DPYSL3: variants seen among roughly 807,000 people sequenced by gnomAD.
DPYSL3 encodes the protein dihydropyrimidinase-related protein 3.
A neutral mutation model predicts 66.1 loss-of-function variants in DPYSL3; 16 were observed. That is an observed-to-expected ratio of 0.24 (90% CI 0.16 to 0.37). DPYSL3 has a LOEUF of 0.37. DPYSL3 is among the 10% of genes least tolerant of loss of function. DPYSL3 has a pLI of 1.00. For synonymous variants in DPYSL3, 338 were observed against 345.1 expected (o/e 0.98, Z 0.23); for missense variants, 738 against 916.2 (o/e 0.81, Z 2.51).
intron 3 of DPYSL3, 107 bp from the exon 4 acceptor site, chr5:147,415,980 C>G (rs920991004): frequency 7.8e-7 from 1 of 1,284,872 alleles, no homozygotes; most frequent in Non-Finnish European, 1.1e-6. Flanking sequence ...TCTCTATTTC[C>G]TGAGCATGGA....
intron 2 of DPYSL3, among the ~76,000 whole-genome samples, chr5:147,421,736 C>G (rs924806324): frequency 3.3e-5 from 5 of 152,140 alleles, no homozygotes; most frequent in Admixed American, 3.3e-4. Flanking sequence ...CCTTGACAAA[C>G]CCGACAAAAG....
chr5:147,417,298 T>G (rs1751989486), intron 3 of DPYSL3, among the ~76,000 whole-genome samples: 1 of 152,124 alleles, frequency 6.6e-6, no homozygotes, highest in African/African-American at 2.4e-5. Flanking sequence ...TGAGTGCACT[T>G]ATCGGAAAGC....
intron 1 of DPYSL3, among the ~76,000 whole-genome samples, chr5:147,427,814 T>C (rs542523648): frequency 1.3e-5 from 2 of 152,286 alleles, no homozygotes; most frequent in African/African-American, 2.4e-5. Context: ...ATAACAATCT[T>C]GGTAACTGTA....
chr5:147,437,445 T>C (rs539418108), intron 1 of DPYSL3, among the ~76,000 whole-genome samples: 3 of 152,312 alleles, frequency 2.0e-5, no homozygotes, highest in Non-Finnish European at 4.4e-5. Context: ...ATTGTATTTT[T>C]AAAGCTTGTG....
At chr5:147,478,733 T>C (rs1410533465) in intron 1 of DPYSL3, among the ~76,000 whole-genome samples, 2 of 152,186 alleles carry the variant, frequency 1.3e-5, no homozygotes, top group Non-Finnish European at 2.9e-5. Context: ...CAAATGTACA[T>C]TGAGGCTGTG....
In DPYSL3 at chr5:147,413,657, C is replaced by G. The variant is rs1204309430; in HGVS notation, c.821G>C (p.Gly274Ala). 1 of 1,611,212 alleles carries G rather than the reference C, an allele frequency of 6.2e-7. No individual in the cohort carries two copies. Among genetic ancestry groups the G allele is most frequent in the Non-Finnish European group, 8.5e-7 (1 of 1,178,098 alleles). The change falls in exon 5 of 14, where the codon GGG (glycine) becomes GCG (alanine). Residue 274 changes from glycine to alanine, a missense_variant and splice_region_variant. By Grantham distance (60) the Gly-to-Ala change is moderately conservative (BLOSUM62 0). Coordinates refer to ENST00000343218, the MANE Select transcript of DPYSL3 (RefSeq NM_001197294.2). ...CATATAAACCATGAAGGAGTTAACC[C>G]CTGCAAAAGAGGGACAGGAGGAAAA... The part of the protein sequence containing the change: ...QEVQNLIKDK[G>A]VNSFMVYMAY...
intron 1 of DPYSL3, 91 bp from the exon 2 acceptor site, chr5:147,425,054 T>A: frequency 1.1e-6 from 1 of 941,864 alleles, no homozygotes; most frequent in Non-Finnish European, 1.7e-6. Flanking sequence ...TTGTTCTAGA[T>A]GTCTAGTAGA....
At position 147,403,236 on chromosome 5, in the gene DPYSL3, A is replaced by G. The variant is rs545150764; in HGVS notation, c.1154-1540T>C. Among the ~76,000 whole-genome samples the G allele has an allele frequency of 5.3e-5, 8 of 152,344 alleles. No individual in the cohort carries two copies. In the East Asian group the frequency reaches 1.4e-3, roughly 26 times the overall value. ...GGGGGTGAGAGTAAAAAAAAATCCA[A>G]GTGATGAGAATTCAAGGGCTCTCCA... On this transcript the variant is annotated intron_variant, in intron 8 of 13. Coordinates refer to ENST00000343218, the MANE Select transcript of DPYSL3 (RefSeq NM_001197294.2).
At chr5:147,452,438 T>TACAC (rs35272843) in intron 1 of DPYSL3, among the ~76,000 whole-genome samples, 1,758 of 142,122 alleles carry the variant, frequency 0.012, 15 homozygotes, top group South Asian at 0.024. Flanking sequence ...ATTCCCCCAC[T>TACAC]ACACACACAC....
rs145807212 is a variant in DPYSL3, at chr5:147,463,090, A to G, written c.382-38127T>C. On this transcript the variant is annotated intron_variant, in intron 1 of 13. Coordinates refer to ENST00000343218, the MANE Select transcript of DPYSL3 (RefSeq NM_001197294.2). ...TTGGCCATGAGAAATGCTGAAGGGC[A>G]TAAGTAGGCTACCTGAGCAGGTGGT... is the stretch of plus-strand genomic sequence containing the variant. Among the ~76,000 whole-genome samples the G allele has an allele frequency of 3.9e-3, 600 of 152,304 alleles. 10 individuals are homozygous for G. The highest frequency in any genetic ancestry group is 0.014 in the African/African-American group (578 of 41,528).
chr5:147,401,401 G>T, intron 9 of DPYSL3, 139 bp downstream of exon 9: 1 of 998,544 alleles, frequency 1.0e-6, no homozygotes, highest in Non-Finnish European at 1.4e-6. Context: ...GCTCAAGACT[G>T]TAAAAGAATT....
intron 1 of DPYSL3, among the ~76,000 whole-genome samples, chr5:147,495,682 A>G (rs202094527): frequency 0.037 from 5,649 of 152,270 alleles, 269 homozygotes; most frequent in East Asian, 0.16. Context: ...CTAGGAATCC[A>G]ACTTACAAGG....
intron 1 of DPYSL3, among the ~76,000 whole-genome samples, chr5:147,499,439 A>G (rs1189775384): frequency 3.9e-5 from 6 of 152,178 alleles, no homozygotes; most frequent in Non-Finnish European, 5.9e-5. Flanking sequence ...AAATCTAGAA[A>G]ACCCTGTGCA....
chr5:147,465,844 T>C (rs991213057), intron 1 of DPYSL3, among the ~76,000 whole-genome samples: 4 of 152,184 alleles, frequency 2.6e-5, no homozygotes, highest in Non-Finnish European at 4.4e-5. Flanking sequence ...ACAACACGGC[T>C]TAACTTGTCC....
chr5:147,446,827 GT>G (rs1417020725), intron 1 of DPYSL3, among the ~76,000 whole-genome samples: 8 of 152,262 alleles, frequency 5.3e-5, no homozygotes, highest in African/African-American at 1.9e-4. Flanking sequence ...CAATAGTGAT[GT>G]GACAGGGTTG....
chr5:147,448,243 TA>T (rs1416585496), intron 1 of DPYSL3, among the ~76,000 whole-genome samples: 1 of 151,910 alleles, frequency 6.6e-6, no homozygotes, highest in African/African-American at 2.4e-5. Context: ...TGATCAGGAC[TA>T]AAAAATGATA....
chr5:147,495,989 C>T (rs886242852), intron 1 of DPYSL3, among the ~76,000 whole-genome samples: 1 of 152,218 alleles, frequency 6.6e-6, no homozygotes, highest in African/African-American at 2.4e-5. Flanking sequence ...TGCTACCTGA[C>T]TTCAAACTAT....
At chr5:147,443,422 T>C (rs1752571033) in intron 1 of DPYSL3, among the ~76,000 whole-genome samples, 1 of 151,302 alleles carries the variant, frequency 6.6e-6, no homozygotes, top group Non-Finnish European at 1.5e-5. Context: ...TAAGTGAGAG[T>C]TGAACATTGA....
intron 1 of DPYSL3, among the ~76,000 whole-genome samples, chr5:147,465,561 A>C (rs1455727766): frequency 1.3e-5 from 2 of 152,056 alleles, no homozygotes; most frequent in Non-Finnish European, 2.9e-5. Context: ...TGGCCTCCCA[A>C]AGTGCTGAGA....
Sources: allele counts gnomAD v4.1 joint callset (sites outside exome capture counted in the v4.1 genomes callset), GRCh38; gene constraint gnomAD v4.1.1; transcripts MANE v1.5; gene names NCBI Gene and HGNC (gene_info 2026-07-23, HGNC 2026-07-21).